Variants in NPFFR1 observed in about 807,000 individuals in gnomAD.
NPFFR1 encodes neuropeptide FF receptor 1.
NPFFR1 carries 17 observed loss-of-function variants against 12.7 expected under a neutral mutation model. The observed-to-expected ratio is 1.34, with a 90% CI of 0.92 to 2.01. The LOEUF (loss-of-function observed/expected upper bound fraction) is 2.01. Ranked by LOEUF, NPFFR1 falls within the 30% of genes most tolerant of loss-of-function variation. NPFFR1 has a pLI of 0.00. For synonymous variants in NPFFR1, 296 were observed against 264.5 expected, an observed-to-expected ratio of 1.12 and a Z score of -1.16; for missense variants, 604 against 606.5, an observed-to-expected ratio of 1.00 and a Z score of 0.04.
intron 3 of NPFFR1, among the ~76,000 whole-genome samples, chr10:70,259,408 G>T (rs1840611751): frequency 6.6e-6 from 1 of 152,214 alleles, no homozygotes; most frequent in African/African-American, 2.4e-5. Context: ...GAATCTTGGG[G>T]TAATCTGGGC....
chr10:70,265,929 A>G, intron 2 of NPFFR1, 148 bp downstream of exon 2: 1 of 679,622 alleles, frequency 1.5e-6, no homozygotes, highest in East Asian at 2.7e-5. Context: ...CTTCAGCCCC[A>G]AGACTGTCTT....
chr10:70,265,980 C>G, intron 2 of NPFFR1, 97 bp downstream of exon 2: 1 of 1,192,868 alleles, frequency 8.4e-7, no homozygotes, highest in Admixed American at 1.9e-5. Flanking sequence ...GCCAGCCCAG[C>G]AATGATATCT....
intron 1 of NPFFR1, among the ~76,000 whole-genome samples, chr10:70,267,590 C>T (rs1366547301): frequency 1.3e-5 from 2 of 152,184 alleles, no homozygotes; most frequent in Admixed American, 6.5e-5. Flanking sequence ...TGTGTTTCCC[C>T]AGGCTTGCTT....
rs762337297 is a variant in NPFFR1, at chr10:70,266,157, A to G, written c.242T>C (p.Phe81Ser). ...NRHMHTVTNM[F>S]ILNLAVSDLL... ...GTCACTGACAGCCAGGTTGAGGATG[A>G]ACATGTTGGTGACAGTATGCATGTG... Residue 81 changes from phenylalanine (F) to serine (S), a missense_variant, in exon 2 of 4, where the codon TTC becomes TCC. Phe to Ser is a radical substitution (Grantham distance 155). Coordinates refer to ENST00000277942, the MANE Select transcript of NPFFR1 (RefSeq NM_022146.5). 6.2e-7 allele frequency: 1 copy of G among 1,614,036 alleles called. No homozygotes were observed. Among genetic ancestry groups the G allele is most frequent in the Non-Finnish European group, 8.5e-7 (1 of 1,179,896 alleles).
chr10:70,274,241 A>G (rs1261607676), intron 1 of NPFFR1, among the ~76,000 whole-genome samples: 1 of 152,064 alleles, frequency 6.6e-6, no homozygotes, highest in Non-Finnish European at 1.5e-5. Context: ...CAAGGTCAGG[A>G]GTTCGAGACC....
intron 1 of NPFFR1, among the ~76,000 whole-genome samples, chr10:70,274,768 C>A (rs1166850052): frequency 6.6e-6 from 1 of 152,192 alleles, no homozygotes; most frequent in Middle Eastern, 3.2e-3. Context: ...TTACAAAGGG[C>A]CTTGCAGAAC....
chr10:70,266,438 A>AT lies in NPFFR1; in HGVS notation c.8-48dup, dbSNP rs1006557912. 11 of 1,472,894 alleles carry AT rather than the reference A, an allele frequency of 7.5e-6. No individual in the cohort carries two copies. In the African/African-American group the frequency reaches 1.5e-4, roughly 20 times the overall value. The allele number at this position is 1,472,894 out of a possible 1,614,324, so 91.2% of individuals were successfully genotyped here. On this transcript the variant is annotated intron_variant, in intron 1 of 3. Coordinates refer to ENST00000277942, the MANE Select transcript of NPFFR1 (RefSeq NM_022146.5). ...GGTCAGGACCTTAGGCAAAGAAGAGATTACCGATTTCTCACCACTAATGAG... is the reference window on the plus strand; with the variant it reads ...GGTCAGGACCTTAGGCAAAGAAGAGATTTACCGATTTCTCACCACTAATGAG...
intron 1 of NPFFR1, among the ~76,000 whole-genome samples, chr10:70,272,566 AT>A (rs1447637972): frequency 2.0e-5 from 3 of 152,234 alleles, no homozygotes; most frequent in Non-Finnish European, 2.9e-5. Flanking sequence ...AATCTAAGCA[AT>A]GCAATTTTGC....
intron 1 of NPFFR1, among the ~76,000 whole-genome samples, chr10:70,271,935 G>A (rs1840745486): frequency 6.6e-6 from 1 of 151,872 alleles, no homozygotes; most frequent in Non-Finnish European, 1.5e-5. Context: ...TGATCAACAT[G>A]ATGAAACCCC....
Position 70,249,390 on chromosome 10 carries a change from ACT to A in NPFFR1, c.*5565_*5566del, listed in dbSNP as rs1195128398. 1.5e-5 allele frequency: 2 copies of A among 131,818 alleles called. No individual in the cohort carries two copies. Among genetic ancestry groups the A allele is most frequent in the African/African-American group, 5.3e-5 (2 of 37,770 alleles). 8.2% of individuals were successfully genotyped at this position (131,818 alleles called of 1,614,324 possible). ...CTCCAGCCTGGGCAACAAAAGCAAGACTCTGTCTCAAAAAAAAAAAAATTATA... is the reference window on the plus strand; with the variant it reads ...CTCCAGCCTGGGCAACAAAAGCAAGACTGTCTCAAAAAAAAAAAAATTATA... On this transcript the variant is annotated 3_prime_UTR_variant, in exon 4 of 4. Transcript: ENST00000277942.
intron 2 of NPFFR1, 50 bp from the exon 3 acceptor site, chr10:70,260,789 G>A (rs1483535336): frequency 6.7e-7 from 1 of 1,490,688 alleles, no homozygotes; most frequent in Non-Finnish European, 9.2e-7. Context: ...CGCATCAAGA[G>A]CCAGAGACTG....
At position 70,255,686 on chromosome 10, in the gene NPFFR1, G is replaced by A. The variant is rs1440432458; in HGVS notation, c.564C>T (p.His188=). 1 of 1,605,250 alleles carries A rather than the reference G, an allele frequency of 6.2e-7. No individual in the cohort carries two copies. Among genetic ancestry groups the A allele is most frequent in the East Asian group, 2.2e-5 (1 of 44,558 alleles). ...VTLTVTREEH[H]FMVDARNRSY... is the part of the protein sequence containing the mutation. ...AGCGGTTGCGGGCGTCCACCATGAA[G>A]TGGTGCTCCTCACGGGTGACGGTCA... Residue 188 remains histidine (H), a synonymous_variant, in exon 4 of 4, where the codon CAC becomes CAT. Transcript: ENST00000277942. The surrounding 1 kb of genome is among the most constrained non-coding windows in gnomAD (Gnocchi z 4.2).
Position 70,266,275 on chromosome 10 carries a change from C to T in NPFFR1, c.124G>A (p.Val42Met). ...TAGGCCACAATGAACATGGCCGCCA[C>T]AGGGGAGGTGTGCTGATAGTAGGAG... ...FSSYYQHTSP[V>M]AAMFIVAYAL... is the part of the protein sequence containing the mutation. The change falls in exon 2 of 4, where the codon GTG (valine) becomes ATG (methionine). Residue 42 changes from valine (V) to methionine (M), a missense_variant. Transcript: ENST00000277942. 6.2e-7 allele frequency: 1 copy of T among 1,613,918 alleles called. No homozygotes were observed. Among genetic ancestry groups the T allele is most frequent in the Non-Finnish European group, 8.5e-7 (1 of 1,179,846 alleles).
intron 2 of NPFFR1, among the ~76,000 whole-genome samples, chr10:70,261,465 C>T (rs1178032838): frequency 2.6e-5 from 4 of 152,274 alleles, no homozygotes; most frequent in Non-Finnish European, 5.9e-5. Context: ...TATTTTTAAT[C>T]TGCATTTAGT....
intron 1 of NPFFR1, among the ~76,000 whole-genome samples, chr10:70,281,386 A>G (rs1391941308): frequency 6.6e-6 from 1 of 152,170 alleles, no homozygotes; most frequent in Admixed American, 6.5e-5. Flanking sequence ...GCCCACAGCT[A>G]AAACCAGCTC....
intron 1 of NPFFR1, among the ~76,000 whole-genome samples, chr10:70,275,814 G>C (rs1275142660): frequency 2.0e-5 from 3 of 152,044 alleles, no homozygotes; most frequent in African/African-American, 7.2e-5. Context: ...AATTTGTTTT[G>C]TACAACATCA....
Position 70,253,322 on chromosome 10 carries a change from C to A in NPFFR1, c.*1635G>T, listed in dbSNP as rs1301543992. 1.3e-5 allele frequency: 2 copies of A among 152,136 alleles called. No homozygotes were observed. The highest frequency in any genetic ancestry group is 6.5e-5 in the Admixed American group (1 of 15,280). 9.4% of individuals were successfully genotyped at this position (152,136 alleles called of 1,614,324 possible). ...TCTGGTTCACTGTTAGGCAAAAAAG[C>A]CTTTGGGGAAATTACCAGCTCTCCC... is the stretch of plus-strand genomic sequence containing the variant. On this transcript the variant is annotated 3_prime_UTR_variant, in exon 4 of 4. Transcript: ENST00000277942.
chr10:70,282,096 A>G (rs1840868652), intron 1 of NPFFR1, among the ~76,000 whole-genome samples: 2 of 152,180 alleles, frequency 1.3e-5, no homozygotes, highest in Non-Finnish European at 2.9e-5. Context: ...CTCAAAAGCA[A>G]TGATTATATC....
Position 70,255,873 on chromosome 10 carries a change from C to G in NPFFR1, c.423-46G>C, listed in dbSNP as rs541432395. On this transcript the variant is annotated intron_variant, in intron 3 of 3. Coordinates refer to ENST00000277942, the MANE Select transcript of NPFFR1 (RefSeq NM_022146.5). The surrounding 1 kb of genome is among the most constrained non-coding windows in gnomAD (Gnocchi z 4.2). ...GGCGGGATCTGGGTGGGTCCTAGGG[C>G]CCCTGCGAGGGGACGGTGGGTGGGA... is the stretch of plus-strand genomic sequence containing the variant. 157 of 1,546,852 alleles carry G rather than the reference C, an allele frequency of 1.0e-4. No homozygotes were observed. The African/African-American group carries it at 2.1e-3, about 20-fold the overall frequency.
Sources: allele counts gnomAD v4.1 joint callset (sites outside exome capture counted in the v4.1 genomes callset), GRCh38; gene constraint gnomAD v4.1.1; non-coding constraint Gnocchi (gnomAD v3.1); transcripts MANE v1.5; gene names NCBI Gene and HGNC (gene_info 2026-07-23, HGNC 2026-07-21).